The following RGPD2 variants were observed in gnomAD, a reference collection of about 807,000 sequenced individuals.
RGPD2 encodes RANBP2-like and GRIP domain-containing protein 2.
A neutral mutation model predicts 36.0 loss-of-function variants in RGPD2; 2 were observed. The ratio of observed to expected loss-of-function variants is 0.06; its 90% CI spans 0.02 to 0.17. The LOEUF (loss-of-function observed/expected upper bound fraction) is 0.17, where lower values mean the gene tolerates loss of function less well. Ranked by LOEUF, RGPD2 falls within the 10% of genes least tolerant of loss-of-function variation. The pLI is 1.00. For synonymous variants in RGPD2, 19 were observed against 163.8 expected (o/e 0.12, Z 6.75); for missense variants, 40 against 464.3 (o/e 0.09, Z 8.40).
chr2:87,937,071 T>C, the RGPD2 span, among the ~76,000 whole-genome samples: 1 of 151,714 alleles, frequency 6.6e-6, no homozygotes, highest in South Asian at 2.1e-4. Flanking sequence ...AGAAAACAAA[T>C]ATAAAATATA....
chr2:87,989,438 GA>G, the RGPD2 span, among the ~76,000 whole-genome samples: 1 of 152,080 alleles, frequency 6.6e-6, no homozygotes, highest in Admixed American at 6.6e-5. Flanking sequence ...TTAATGAGAT[GA>G]CAAAAAATCA....
the RGPD2 span, among the ~76,000 whole-genome samples, chr2:87,864,617 G>GATAGATACATAGATAC: frequency 7.7e-5 from 2 of 26,056 alleles, no homozygotes; most frequent in African/African-American, 1.3e-4. Context: ...TAGATAGATA[G>GATAGATACATAGATAC]ATAGATACAT....
the RGPD2 span, among the ~76,000 whole-genome samples, chr2:87,964,060 T>A: frequency 6.6e-6 from 1 of 151,922 alleles, no homozygotes; most frequent in South Asian, 2.1e-4. Flanking sequence ...GGTCTTGAAC[T>A]CCTGGCCTCC....
intron 1 of RGPD2, among the ~76,000 whole-genome samples, chr2:87,822,453 A>G (rs1686422583): frequency 7.2e-6 from 1 of 139,826 alleles, no homozygotes; most frequent in Admixed American, 7.4e-5. Context: ...AAAATGGAGC[A>G]ATGCTTTCAA....
chr2:87,922,292 CAAAAAAAAAAAA>C, the RGPD2 span, among the ~76,000 whole-genome samples: 2 of 84,696 alleles, frequency 2.4e-5, no homozygotes, highest in South Asian at 5.0e-4. Context: ...GACTTCGTCT[CAAAAAAAAAAAA>C]AAAAAAAAAA....
the RGPD2 span, among the ~76,000 whole-genome samples, chr2:87,920,349 C>A: frequency 1.8e-4 from 27 of 151,886 alleles, no homozygotes; most frequent in African/African-American, 5.1e-4. Flanking sequence ...TTTAGAACTA[C>A]TCCACTGACT....
the RGPD2 span, among the ~76,000 whole-genome samples, chr2:87,983,261 A>T: frequency 6.6e-6 from 1 of 152,352 alleles, no homozygotes; most frequent in East Asian, 1.9e-4. Context: ...CAGAGGTTGT[A>T]GTGAGCCAGG....
At chr2:87,882,443 T>C in the RGPD2 span, among the ~76,000 whole-genome samples, 1 of 152,280 alleles carries the variant, frequency 6.6e-6, no homozygotes, top group South Asian at 2.1e-4. Context: ...TCTCTTCTAC[T>C]ACATTAATCA....
At chr2:87,953,671 T>TA in the RGPD2 span, among the ~76,000 whole-genome samples, 1 of 79,470 alleles carries the variant, frequency 1.3e-5, no homozygotes. Flanking sequence ...TCCTTACATA[T>TA]AAAAAAATGA....
the RGPD2 span, among the ~76,000 whole-genome samples, chr2:87,905,054 C>T: frequency 1.3e-5 from 2 of 152,060 alleles, no homozygotes; most frequent in Non-Finnish European, 2.9e-5. Flanking sequence ...TTTACCAGAC[C>T]CCTAAGGGTT....
At chr2:87,882,709 TCTA>T in the RGPD2 span, among the ~76,000 whole-genome samples, 2 of 152,230 alleles carry the variant, frequency 1.3e-5, no homozygotes, top group Non-Finnish European at 2.9e-5. Flanking sequence ...CAATATTAAT[TCTA>T]CTAATTCATG....
At chr2:87,945,027 C>A in the RGPD2 span, among the ~76,000 whole-genome samples, 1 of 151,018 alleles carries the variant, frequency 6.6e-6, no homozygotes, top group Non-Finnish European at 1.5e-5. Flanking sequence ...GTTTATAGTT[C>A]GGTAGTGTTC....
At chr2:87,945,260 A>C in the RGPD2 span, among the ~76,000 whole-genome samples, 6 of 152,256 alleles carry the variant, frequency 3.9e-5, no homozygotes, top group African/African-American at 1.4e-4. Context: ...TTTCCATTGA[A>C]ATGAACAAAT....
At chr2:87,940,224 G>A in the RGPD2 span, among the ~76,000 whole-genome samples, 1 of 152,000 alleles carries the variant, frequency 6.6e-6, no homozygotes, top group African/African-American at 2.4e-5. Flanking sequence ...GTTAAAGTGG[G>A]CTGAAGGTGC....
chr2:87,879,069 G>A, the RGPD2 span, among the ~76,000 whole-genome samples: 6 of 152,274 alleles, frequency 3.9e-5, no homozygotes, highest in Admixed American at 1.3e-4. Flanking sequence ...TTGCCATACC[G>A]ATTTTATTTC....
chr2:87,863,505 T>C, the RGPD2 span, among the ~76,000 whole-genome samples: 1 of 151,376 alleles, frequency 6.6e-6, no homozygotes, highest in Non-Finnish European at 1.5e-5. Flanking sequence ...TTGGTTACCC[T>C]GCCAGGTAAA....
chr2:87,975,056 T>A, the RGPD2 span, among the ~76,000 whole-genome samples: 1 of 152,140 alleles, frequency 6.6e-6, no homozygotes, highest in Non-Finnish European at 1.5e-5. Context: ...TTTATTCTCT[T>A]ATTATTCTCT....
the RGPD2 span, among the ~76,000 whole-genome samples, chr2:87,986,133 C>G: frequency 1.2e-5 from 1 of 83,456 alleles, no homozygotes; most frequent in African/African-American, 4.0e-5. Flanking sequence ...GGTCTGAAGA[C>G]AGCTTTTTTT....
At chr2:87,916,129 CAAGT>C in the RGPD2 span, among the ~76,000 whole-genome samples, 2 of 152,116 alleles carry the variant, frequency 1.3e-5, no homozygotes, top group Non-Finnish European at 2.9e-5. Context: ...CACCAAGAAG[CAAGT>C]GTGTTAATAA....
Sources: gnomAD v4.1 joint callset for allele counts (sites outside exome capture counted in the v4.1 genomes callset) on GRCh38, gnomAD v4.1.1 for gene constraint, MANE v1.5 for transcripts, NCBI Gene and HGNC (gene_info 2026-07-23, HGNC 2026-07-21) for gene names.